Variants in MECOM observed in about 807,000 individuals in gnomAD.
The protein encoded by MECOM is histone-lysine N-methyltransferase MECOM.
MECOM carries 13 observed loss-of-function variants against 116.3 expected under a neutral mutation model. That is an observed-to-expected ratio of 0.11 (90% CI 0.07 to 0.18). MECOM has a LOEUF of 0.18. MECOM is among the 10% of genes least tolerant of loss of function. The probability of loss-of-function intolerance (pLI) is 1.00; values close to 1 mark genes in which losing one functional copy is unlikely to be tolerated. For synonymous variants in MECOM, 528 were observed against 535.2 expected (o/e 0.99, Z 0.19); for missense variants, 1,299 against 1,509.0 (o/e 0.86, Z 2.31).
Position 169,145,071 on chromosome 3 carries a change from G to A in MECOM, c.376-1239C>T. On this transcript the variant is annotated intron_variant, in intron 2 of 16. Transcript: ENST00000651503. ...CCTATGAATAAGCCTTTGGCCATGA[G>A]GAAATTGAAGGGCAATAAGTCGTCC... The A allele has an allele frequency of 2.6e-6, 4 of 1,515,410 alleles. No homozygotes were observed. In the East Asian group the frequency reaches 9.9e-5, roughly 37 times the overall value. The allele number at this position is 1,515,410 out of a possible 1,614,324, so 93.9% of individuals were successfully genotyped here.
At chr3:169,275,284 A>G (rs1285272809) in intron 2 of MECOM, among the ~76,000 whole-genome samples, 6 of 152,244 alleles carry the variant, frequency 3.9e-5, no homozygotes, top group Non-Finnish European at 8.8e-5. Flanking sequence ...CCTGATCTCA[A>G]AACAGATTGC....
intron 1 of MECOM, among the ~76,000 whole-genome samples, chr3:169,381,978 A>G (rs1039299339): frequency 6.6e-6 from 1 of 152,276 alleles, no homozygotes; most frequent in African/African-American, 2.4e-5. Context: ...AAAGATTCCA[A>G]AGGCTGCCAT....
chr3:169,089,114 G>T lies in MECOM; in HGVS notation c.3471C>A (p.Leu1157=), dbSNP rs760030247. The T allele has an allele frequency of 6.2e-7, 1 of 1,608,640 alleles. No homozygotes were observed. The highest frequency in any genetic ancestry group is 1.7e-5 in the Admixed American group (1 of 59,054). The change falls in exon 16 of 17, where the codon CTC becomes CTA. Residue 1157 remains leucine, a synonymous_variant. Transcript: ENST00000651503. The part of the protein sequence containing the change: ...LDHIRHFTDS[L]KMRKMEDNQY... ...GATTATCTTCCATTTTCCTCATTTTGAGGCTATCTGTGAAGTGCCTTATAT... is the reference window on the plus strand; with the variant it reads ...GATTATCTTCCATTTTCCTCATTTTTAGGCTATCTGTGAAGTGCCTTATAT...
At chr3:169,093,927 C>T (rs6782479) in intron 13 of MECOM, among the ~76,000 whole-genome samples, 49,969 of 152,048 alleles carry the variant, frequency 0.33, 8,523 homozygotes, top group South Asian at 0.49. Flanking sequence ...AAAGAGGTTA[C>T]AATCTTGGTC....
At chr3:169,238,716 T>C (rs114105601) in intron 2 of MECOM, among the ~76,000 whole-genome samples, 1,839 of 152,286 alleles carry the variant, frequency 0.012, 41 homozygotes, top group African/African-American at 0.042. Context: ...GATTAGAAAG[T>C]CCACTTTCTC....
chr3:169,361,890 T>C (rs151180077), intron 2 of MECOM, among the ~76,000 whole-genome samples: 1 of 151,988 alleles, frequency 6.6e-6, no homozygotes, highest in East Asian at 1.9e-4. Flanking sequence ...TTTTCAAAGA[T>C]GGCGAGGAAT....
intron 2 of MECOM, among the ~76,000 whole-genome samples, chr3:169,224,584 G>A (rs13064608): frequency 0.34 from 51,573 of 152,120 alleles, 9,508 homozygotes; most frequent in Middle Eastern, 0.54. Context: ...CAGCTACCCA[G>A]TAAACCTCAC....
rs538287482 is a variant in MECOM at position 169,163,885 on chromosome 3, C to T, written c.376-20053G>A. Among the ~76,000 whole-genome samples, 5 of 152,122 alleles carry T rather than the reference C, an allele frequency of 3.3e-5. No individual in the cohort carries two copies. In the South Asian group the frequency reaches 1.0e-3, roughly 32 times the overall value. ...AACATTAGATTAATAAAAGAAACAC[C>T]ACTGGGGGTATTTTCAAGACCAAAA... On this transcript the variant is annotated intron_variant, in intron 2 of 16. Coordinates refer to ENST00000651503, the MANE Select transcript of MECOM (RefSeq NM_004991.4).
chr3:169,307,013 T>C (rs1560111477), intron 2 of MECOM, among the ~76,000 whole-genome samples: 1 of 152,226 alleles, frequency 6.6e-6, no homozygotes, highest in Non-Finnish European at 1.5e-5. Context: ...CATTTGGGAT[T>C]TAACAGCCAT....
At chr3:169,183,805 CACACACACACACACAT>C (rs1204735611) in intron 2 of MECOM, among the ~76,000 whole-genome samples, 2 of 52,350 alleles carry the variant, frequency 3.8e-5, no homozygotes, top group African/African-American at 2.6e-4. Context: ...CACACACACA[CACACACACACACACAT>C]ATATATATAT....
chr3:169,317,364 C>G (rs1025850199), intron 2 of MECOM, among the ~76,000 whole-genome samples: 1 of 151,962 alleles, frequency 6.6e-6, no homozygotes, highest in Non-Finnish European at 1.5e-5. Flanking sequence ...ATATGATACT[C>G]AAGTTATGGT....
chr3:169,474,257 T>C (rs1010920640), intron 1 of MECOM, among the ~76,000 whole-genome samples: 1 of 152,156 alleles, frequency 6.6e-6, no homozygotes, highest in Non-Finnish European at 1.5e-5. Context: ...CAAACTTCAT[T>C]ACTATCTTTG....
At chr3:169,619,779 T>A (rs1260818022) in intron 1 of MECOM, among the ~76,000 whole-genome samples, 1 of 152,170 alleles carries the variant, frequency 6.6e-6, no homozygotes. Context: ...AATCAGGGTT[T>A]TTAAAATATT....
chr3:169,092,255 T>C lies in MECOM; in HGVS notation c.3164+703A>G, dbSNP rs139406644. 6.8e-4 allele frequency among the ~76,000 whole-genome samples: 103 copies of C among 152,024 alleles called. No individual in the cohort carries two copies. The East Asian group carries it at 0.019, about 28-fold the overall frequency. On this transcript the variant is annotated intron_variant, in intron 14 of 16. Coordinates refer to ENST00000651503, the MANE Select transcript of MECOM (RefSeq NM_004991.4). ...TAAAAACAAGGATGTTCATACCCAC[T>C]GAAACAAACAGACCAGAATTAAATG...
intron 2 of MECOM, among the ~76,000 whole-genome samples, chr3:169,200,452 A>T (rs1748993189): frequency 6.6e-6 from 1 of 152,072 alleles, no homozygotes; most frequent in Non-Finnish European, 1.5e-5. Context: ...GTTTTTTAAC[A>T]AGATCTAGGT....
At chr3:169,133,672 A>C (rs991822504) in intron 3 of MECOM, among the ~76,000 whole-genome samples, 1 of 152,184 alleles carries the variant, frequency 6.6e-6, no homozygotes, top group African/African-American at 2.4e-5. Context: ...CTATAAAAAA[A>C]ATAGTTTATT....
At chr3:169,297,281 T>A (rs2149706936) in intron 2 of MECOM, among the ~76,000 whole-genome samples, 1 of 152,352 alleles carries the variant, frequency 6.6e-6, no homozygotes, top group East Asian at 1.9e-4. Flanking sequence ...ACTTGCTGCC[T>A]TAGCTCCTGG....
intron 16 of MECOM, chr3:169,086,683 A>T: frequency 1.6e-6 from 1 of 630,206 alleles, no homozygotes; most frequent in South Asian, 2.0e-5. Flanking sequence ...ATACATAAAT[A>T]GTACCTATTA....
chr3:169,132,005 A>G, intron 3 of MECOM: 2 of 987,518 alleles, frequency 2.0e-6, no homozygotes, highest in Non-Finnish European at 2.4e-6. Context: ...GGAAGGTAAT[A>G]GGTTGAAAGG....
Sources: gnomAD v4.1 joint callset for allele counts (sites outside exome capture counted in the v4.1 genomes callset) on GRCh38, gnomAD v4.1.1 for gene constraint, MANE v1.5 for transcripts, NCBI Gene and HGNC (gene_info 2026-07-23, HGNC 2026-07-21) for gene names.